KIF3C: variants seen among roughly 807,000 people sequenced by gnomAD.
KIF3C encodes the protein kinesin-like protein KIF3C.
Under a neutral mutation model 67.7 loss-of-function variants are expected in KIF3C, and 12 were observed. The ratio of observed to expected loss-of-function variants is 0.18; its 90% CI spans 0.11 to 0.29. The LOEUF is 0.29. Ranked by LOEUF, KIF3C falls within the 10% of genes least tolerant of loss-of-function variation. KIF3C has a pLI of 1.00. For synonymous variants in KIF3C, 393 were observed against 426.2 expected (o/e 0.92, Z 0.96); for missense variants, 789 against 1,059.6 (o/e 0.74, Z 3.55).
chr2:25,962,997 A>T lies in KIF3C; in HGVS notation c.1546-6553T>A, dbSNP rs866935065. Among the ~76,000 whole-genome samples, 50 of 35,838 alleles carry T rather than the reference A, an allele frequency of 1.4e-3. 1 individual carries two copies. The highest frequency in any genetic ancestry group is 7.0e-3 in the African/African-American group (37 of 5,250). The allele number at this position is 35,838 out of a possible 152,430, so 23.5% of individuals were successfully genotyped here. On this transcript the variant is annotated intron_variant, in intron 1 of 7. Transcript: ENST00000264712. ...ATAATATATAATATATAATATATAT[A>T]ATATATAATATATAATATATATAAT...
chr2:25,969,955 A>G (rs574517387), intron 1 of KIF3C, among the ~76,000 whole-genome samples: 1 of 152,294 alleles, frequency 6.6e-6, no homozygotes, highest in East Asian at 1.9e-4. Context: ...GCCTCAAGTG[A>G]TCTGCCCACC....
chr2:25,928,741 C>T lies in KIF3C; in HGVS notation c.*237G>A, dbSNP rs1014167106. The T allele has an allele frequency of 2.9e-5, 13 of 454,192 alleles. No individual in the cohort carries two copies. Among genetic ancestry groups the T allele is most frequent in the Non-Finnish European group, 4.0e-5 (10 of 252,156 alleles). The allele number at this position is 454,192 out of a possible 1,614,324, so 28.1% of individuals were successfully genotyped here. On this transcript the variant is annotated 3_prime_UTR_variant, in exon 8 of 8. Transcript: ENST00000264712. ...ACGCAGTGACCACGGTAGGCCCAGA[C>T]GGCTCAGGCGAGGGCATCTCCCCAA... is the stretch of plus-strand genomic sequence containing the variant.
At chr2:25,943,996 A>G (rs1468470111) in intron 5 of KIF3C, among the ~76,000 whole-genome samples, 9 of 152,210 alleles carry the variant, frequency 5.9e-5, no homozygotes, top group Non-Finnish European at 1.3e-4. Context: ...GTGACAAAAA[A>G]ATGAAAAAGA....
At chr2:25,979,570 G>T (rs1347277162) in intron 1 of KIF3C, among the ~76,000 whole-genome samples, 1 of 152,096 alleles carries the variant, frequency 6.6e-6, no homozygotes, top group Non-Finnish European at 1.5e-5. Context: ...GAATGGCTAG[G>T]CCAGTCTCTT....
At chr2:25,929,508 C>G (rs2090440187) in intron 6 of KIF3C, 31 bp from the exon 7 acceptor site, 4 of 1,602,958 alleles carry the variant, frequency 2.5e-6, no homozygotes, top group Non-Finnish European at 3.4e-6. Flanking sequence ...CAGGCTTGAA[C>G]AGTGCCCAGT....
chr2:25,973,387 C>G (rs1664328990), intron 1 of KIF3C, among the ~76,000 whole-genome samples: 1 of 152,038 alleles, frequency 6.6e-6, no homozygotes, highest in Non-Finnish European at 1.5e-5. Context: ...AACCCCATCT[C>G]TACTAAAAAT....
rs2090414269 is a variant in KIF3C, at chr2:25,926,806, A to C, written c.*2172T>G. 6.6e-6 allele frequency: 1 copy of C among 152,192 alleles called. No homozygotes were observed. The allele number at this position is 152,192 out of a possible 1,614,324, so 9.4% of individuals were successfully genotyped here. ...TAGTCATATGTGTAGAGTGACAAGA[A>C]TGGGCCACTGCATTGTTAATTGTTG... is the stretch of plus-strand genomic sequence containing the variant. On this transcript the variant is annotated 3_prime_UTR_variant, in exon 8 of 8. Transcript: ENST00000264712.
At chr2:25,933,747 C>T (rs1014912422) in intron 5 of KIF3C, among the ~76,000 whole-genome samples, 1 of 149,864 alleles carries the variant, frequency 6.7e-6, no homozygotes, top group African/African-American at 2.4e-5. Context: ...TAAAGACAGA[C>T]AGTAACACAT....
chr2:25,963,164 A>ATGTG (rs750486633), intron 1 of KIF3C, among the ~76,000 whole-genome samples: 17 of 59,092 alleles, frequency 2.9e-4, no homozygotes, highest in African/African-American at 4.6e-4. Flanking sequence ...GTGTGTATGT[A>ATGTG]TGTGTGTGTG....
chr2:25,956,775 G>A (rs1053135241), intron 1 of KIF3C, among the ~76,000 whole-genome samples: 1 of 152,156 alleles, frequency 6.6e-6, no homozygotes, highest in Middle Eastern at 3.2e-3. Context: ...CCTAATCCTG[G>A]CAACCAGGAC....
intron 5 of KIF3C, among the ~76,000 whole-genome samples, chr2:25,941,901 G>A (rs976075122): frequency 2.6e-5 from 4 of 152,006 alleles, no homozygotes; most frequent in Non-Finnish European, 5.9e-5. Flanking sequence ...ACTGGGCCTC[G>A]TGGCATGTAC....
chr2:25,940,677 GTC>G (rs1414336243), intron 5 of KIF3C, among the ~76,000 whole-genome samples: 2 of 42,194 alleles, frequency 4.7e-5, no homozygotes, highest in Non-Finnish European at 1.3e-4. Flanking sequence ...TTTTTTTTGA[GTC>G]TCGCTCTGTT....
At chr2:25,971,840 T>G (rs1664291007) in intron 1 of KIF3C, among the ~76,000 whole-genome samples, 1 of 145,366 alleles carries the variant, frequency 6.9e-6, no homozygotes, top group Non-Finnish European at 1.5e-5. Flanking sequence ...CCTGAGCAGC[T>G]AGGACTACAG....
At chr2:25,962,895 A>AAATATATATAATATAT (rs1559555236) in intron 1 of KIF3C, among the ~76,000 whole-genome samples, 2 of 51,888 alleles carry the variant, frequency 3.9e-5, no homozygotes, top group Admixed American at 3.9e-4. Flanking sequence ...ATATAATATA[A>AAATATATATAATATAT]AATATATATA....
intron 1 of KIF3C, among the ~76,000 whole-genome samples, chr2:25,972,567 G>A (rs1345953306): frequency 6.6e-6 from 1 of 152,138 alleles, no homozygotes; most frequent in Non-Finnish European, 1.5e-5. Flanking sequence ...TCAAGGGTCT[G>A]ATCATACAGG....
At position 25,955,709 on chromosome 2, in the gene KIF3C, C is replaced by T. The variant is rs554747497; in HGVS notation, c.1648-46G>A. ...GTGGCTCAAAGGAGCAGTGCATACT[C>T]GGGAGGGCCAGGAAAGCTCAGGGGA... On this transcript the variant is annotated intron_variant, in intron 2 of 7. Transcript: ENST00000264712. The surrounding 1 kb of genome is among the most constrained non-coding windows in gnomAD (Gnocchi z 5.0). 1.4e-5 allele frequency: 23 copies of T among 1,607,150 alleles called. No individual in the cohort carries two copies. The highest frequency in any genetic ancestry group is 1.7e-4 in the Middle Eastern group (1 of 5,990).
At chr2:25,957,696 T>C (rs914520146) in intron 1 of KIF3C, among the ~76,000 whole-genome samples, 1 of 152,098 alleles carries the variant, frequency 6.6e-6, no homozygotes, top group African/African-American at 2.4e-5. Context: ...GCCACATCAT[T>C]GGGAACACAG....
At chr2:25,964,180 C>A (rs2149239091) in intron 1 of KIF3C, among the ~76,000 whole-genome samples, 1 of 152,058 alleles carries the variant, frequency 6.6e-6, no homozygotes, top group Non-Finnish European at 1.5e-5. Context: ...TGGTGGCGTG[C>A]ACCTGGAATC....
chr2:25,970,304 T>A (rs1445800757), intron 1 of KIF3C, among the ~76,000 whole-genome samples: 2 of 152,124 alleles, frequency 1.3e-5, no homozygotes, highest in African/African-American at 2.4e-5. Flanking sequence ...TGCCTCAGTA[T>A]CCTCACTAGT....
Sources: allele counts gnomAD v4.1 joint callset (sites outside exome capture counted in the v4.1 genomes callset), GRCh38; gene constraint gnomAD v4.1.1; non-coding constraint Gnocchi (gnomAD v3.1); transcripts MANE v1.5; gene names NCBI Gene and HGNC (gene_info 2026-07-23, HGNC 2026-07-21).